GALNT15: variants seen among roughly 807,000 people sequenced by gnomAD.
GALNT15 encodes the protein polypeptide N-acetylgalactosaminyltransferase 15.
In GALNT15, 67 loss-of-function variants were observed where a neutral mutation model predicts 66.8. The ratio of observed to expected loss-of-function variants is 1.00; its 90% CI spans 0.82 to 1.23. The LOEUF is 1.23. GALNT15 is among the 50% of genes most tolerant of loss of function. The pLI is 0.00. For missense variants in GALNT15, 827 were observed against 804.3 expected (o/e 1.03, Z -0.34); for synonymous variants, 313 against 311.5 (o/e 1.00, Z -0.05).
the GALNT15 span, among the ~76,000 whole-genome samples, chr3:16,245,681 G>C: frequency 1.3e-5 from 2 of 152,328 alleles, no homozygotes; most frequent in East Asian, 1.9e-4. Context: ...TTGAAGGAAG[G>C]GTTCCCCAAT....
rs747982061 is a variant in GALNT15, at chr3:16,212,772, A to G, written c.1392+9A>G. 7 of 1,609,628 alleles carry G rather than the reference A, an allele frequency of 4.3e-6. No homozygotes were observed. In the East Asian group the frequency reaches 1.6e-4, roughly 36 times the overall value. On this transcript the variant is annotated intron_variant, in intron 6 of 9. Transcript: ENST00000339732. ...CCTTCTCCTTGAGCAAGGTAAGGAG[A>G]GAGCCAAGTGGGGCTTCTGTGTCCA...
rs1052083063 is a variant in GALNT15, at chr3:16,227,110, G to C, written c.1774-244G>C. On this transcript the variant is annotated intron_variant, in intron 9 of 9. Transcript: ENST00000339732. The surrounding 1 kb of genome is among the most constrained non-coding windows in gnomAD (Gnocchi z 4.5). ...TACTAACCATAACTTTCTAAGAAAT[G>C]GTGCAATTACACAACTACAATAAAG... 2.0e-5 allele frequency among the ~76,000 whole-genome samples: 3 copies of C among 152,150 alleles called. No homozygotes were observed. The highest frequency in any genetic ancestry group is 2.9e-5 in the Non-Finnish European group (2 of 68,020).
the GALNT15 span, among the ~76,000 whole-genome samples, chr3:16,244,418 A>G: frequency 1.3e-5 from 2 of 152,236 alleles, no homozygotes; most frequent in Non-Finnish European, 2.9e-5. Flanking sequence ...GCAGCCACAC[A>G]GGAGAGCTTT....
chr3:16,227,527 T>C lies in GALNT15; in HGVS notation c.*27T>C. 6.2e-7 allele frequency: 1 copy of C among 1,614,030 alleles called. No individual in the cohort carries two copies. The highest frequency in any genetic ancestry group is 8.5e-7 in the Non-Finnish European group (1 of 1,179,938). On this transcript the variant is annotated 3_prime_UTR_variant, in exon 10 of 10. Transcript: ENST00000339732. This position sits in a 1 kb window ranked among gnomAD's most constrained non-coding sequence, Gnocchi z 4.5. ...TGTCAATGTCAGAAGGAAAAGAGAA[T>C]TTTGGCCATCAAAATCCAGCTCCAA...
rs2124897532 is a variant in GALNT15 at position 16,219,057 on chromosome 3, C to G, written c.1393-346C>G. Among the ~76,000 whole-genome samples the G allele has an allele frequency of 2.6e-5, 4 of 152,240 alleles. No homozygotes were observed. The South Asian group carries it at 8.3e-4, about 32-fold the overall frequency. The stretch of plus-strand genomic sequence containing the variant: ...TCTTGAACTCCTGACCTCAAGTGAT[C>G]CACCAGCCTCGGCCTCCCAAAGTGC... On this transcript the variant is annotated intron_variant, in intron 6 of 9. Transcript: ENST00000339732. This position sits in a 1 kb window ranked among gnomAD's most constrained non-coding sequence, Gnocchi z 4.3.
At position 16,204,819 on chromosome 3, in the gene GALNT15, C is replaced by A. The variant is rs965364452; in HGVS notation, c.912-3684C>A. 1.2e-4 allele frequency among the ~76,000 whole-genome samples: 18 copies of A among 147,768 alleles called. No individual in the cohort carries two copies. Among genetic ancestry groups the A allele is most frequent in the Middle Eastern group, 3.4e-3 (1 of 294 alleles). ...GCAATGTGGGGCAGGGAGAAGAACA[C>A]CTCCCACTCTGCCCTTTGAAGGGTT... On this transcript the variant is annotated intron_variant, in intron 3 of 9. Transcript: ENST00000339732. The surrounding 1 kb of genome is among the most constrained non-coding windows in gnomAD (Gnocchi z 4.5).
In GALNT15 at chr3:16,187,093, G is replaced by A. The variant is rs758404277; in HGVS notation, c.540-8667G>A. Among the ~76,000 whole-genome samples, 6 of 151,940 alleles carry A rather than the reference G, an allele frequency of 3.9e-5. No individual in the cohort carries two copies. Among genetic ancestry groups the A allele is most frequent in the Non-Finnish European group, 5.9e-5 (4 of 68,006 alleles). Reference sequence around the variant, plus strand: ...AGCCTGACCAACATGGTGAAACCCCGTCTCTACAAAAAATACAAAAATTAG... The same window carrying A: ...AGCCTGACCAACATGGTGAAACCCCATCTCTACAAAAAATACAAAAATTAG... On this transcript the variant is annotated intron_variant, in intron 1 of 9. Transcript: ENST00000339732. This position sits in a 1 kb window ranked among gnomAD's most constrained non-coding sequence, Gnocchi z 5.1.
intron 2 of GALNT15, among the ~76,000 whole-genome samples, chr3:16,196,847 G>A (rs111412085): frequency 0.016 from 2,451 of 152,188 alleles, 67 homozygotes; most frequent in African/African-American, 0.055. Flanking sequence ...AGATCAGAAC[G>A]CTCTGAGGGA....
Position 16,203,541 on chromosome 3 carries a change from TCTCA to T in GALNT15, c.911+2720_911+2723del, listed in dbSNP as rs1289251227. The stretch of plus-strand genomic sequence containing the variant: ...CTCATTCTCTCTCTCTCTCTCTCTC[TCTCA>T]CACACACACACACACACACACACAC... On this transcript the variant is annotated intron_variant, in intron 3 of 9. Coordinates refer to ENST00000339732, the MANE Select transcript of GALNT15 (RefSeq NM_054110.5). The surrounding 1 kb of genome is among the most constrained non-coding windows in gnomAD (Gnocchi z 6.2). Among the ~76,000 whole-genome samples the T allele has an allele frequency of 6.5e-3, 382 of 58,608 alleles. No individual in the cohort carries two copies. The highest frequency in any genetic ancestry group is 0.022 in the East Asian group (35 of 1,592). 38.4% of individuals were successfully genotyped at this position (58,608 alleles called of 152,430 possible).
chr3:16,214,399 G>A (rs2063850904), intron 6 of GALNT15, among the ~76,000 whole-genome samples: 1 of 152,242 alleles, frequency 6.6e-6, no homozygotes, highest in East Asian at 1.9e-4. Flanking sequence ...AACACTCAGT[G>A]TTTCTGCTTC....
At position 16,204,200 on chromosome 3, in the gene GALNT15, G is replaced by A. The variant is rs1178191709; in HGVS notation, c.911+3377G>A. 6.6e-6 allele frequency among the ~76,000 whole-genome samples: 1 copy of A among 152,126 alleles called. No homozygotes were observed. The highest frequency in any genetic ancestry group is 1.5e-5 in the Non-Finnish European group (1 of 68,024). ...CTTTGTTCCCTGTCCCTGCCTAGCAGGTTCCCACTAGCCATGTGGCAACTT... is the reference window on the plus strand; with the variant it reads ...CTTTGTTCCCTGTCCCTGCCTAGCAAGTTCCCACTAGCCATGTGGCAACTT... On this transcript the variant is annotated intron_variant, in intron 3 of 9. Transcript: ENST00000339732. The surrounding 1 kb of genome is among the most constrained non-coding windows in gnomAD (Gnocchi z 4.5).
chr3:16,237,885 T>G, the GALNT15 span, among the ~76,000 whole-genome samples: 1 of 152,160 alleles, frequency 6.6e-6, no homozygotes, highest in African/African-American at 2.4e-5. This position sits in a 1 kb window ranked among gnomAD's most constrained non-coding sequence, Gnocchi z 4.2. Context: ...CGCAATGGCC[T>G]CACCCCTCAG....
rs150487084 is a variant in GALNT15 at position 16,211,201 on chromosome 3, T to C, written c.1157T>C (p.Met386Thr). 3 of 1,613,860 alleles carry C rather than the reference T, an allele frequency of 1.9e-6. No individual in the cohort carries two copies. The highest frequency in any genetic ancestry group is 2.7e-5 in the African/African-American group (2 of 74,926). The part of the protein sequence containing the change: ...FQNTGAYDSL[M>T]SLRGGENLEL... ...AACACTGGAGCGTATGACTCTCTTATGTCGCTGCGAGGTGGTGAAAACCTC... is the reference window on the plus strand; with the variant it reads ...AACACTGGAGCGTATGACTCTCTTACGTCGCTGCGAGGTGGTGAAAACCTC... Residue 386 changes from methionine (M) to threonine (T), a missense_variant, in exon 5 of 10, where the codon ATG becomes ACG. Transcript: ENST00000339732. This position sits in a 1 kb window ranked among gnomAD's most constrained non-coding sequence, Gnocchi z 4.3.
downstream of GALNT15, chr3:16,231,773 CCT>C: frequency 6.6e-7 from 1 of 1,519,274 alleles, no homozygotes; most frequent in South Asian, 1.2e-5. The surrounding 1 kb of genome is among the most constrained non-coding windows in gnomAD (Gnocchi z 4.1). Flanking sequence ...TCTCTCCCTC[CCT>C]CTCTCCTTCT....
At chr3:16,207,288 A>C (rs954956177) in intron 3 of GALNT15, among the ~76,000 whole-genome samples, 2 of 152,110 alleles carry the variant, frequency 1.3e-5, no homozygotes, top group Non-Finnish European at 2.9e-5. Context: ...TTAGAGTGAT[A>C]TCTTCTAGCC....
Position 16,211,054 on chromosome 3 carries a change from C to T in GALNT15, c.1080-70C>T. On this transcript the variant is annotated intron_variant, in intron 4 of 9. Coordinates refer to ENST00000339732, the MANE Select transcript of GALNT15 (RefSeq NM_054110.5). The surrounding 1 kb of genome is among the most constrained non-coding windows in gnomAD (Gnocchi z 4.3). Reference sequence around the variant, plus strand: ...CACTGGAGCTCCCACCTGGGAAGCCCCAGCCCCCAGCCTCGCCTGCTGTGC... The same window carrying T: ...CACTGGAGCTCCCACCTGGGAAGCCTCAGCCCCCAGCCTCGCCTGCTGTGC... The T allele has an allele frequency of 1.7e-6, 2 of 1,183,356 alleles. No individual in the cohort carries two copies. Among genetic ancestry groups the T allele is most frequent in the South Asian group, 2.5e-5 (2 of 80,506 alleles). 73.3% of individuals were successfully genotyped at this position (1,183,356 alleles called of 1,614,324 possible).
In GALNT15 at chr3:16,174,992, T is replaced by G; in HGVS notation, c.-160T>G. On this transcript the variant is annotated 5_prime_UTR_variant, in exon 1 of 10. Transcript: ENST00000339732. This position sits in a 1 kb window ranked among gnomAD's most constrained non-coding sequence, Gnocchi z 4.7. Reference sequence around the variant, plus strand: ...TCTGATTGTAAGTGGAAGCAGGTCTTGCACACGCTGTTGGCAAATGTCAGG... The same window carrying G: ...TCTGATTGTAAGTGGAAGCAGGTCTGGCACACGCTGTTGGCAAATGTCAGG... The G allele has an allele frequency of 3.2e-6, 2 of 634,698 alleles. No individual in the cohort carries two copies. Among genetic ancestry groups the G allele is most frequent in the Non-Finnish European group, 5.4e-6 (2 of 368,880 alleles). 39.3% of individuals were successfully genotyped at this position (634,698 alleles called of 1,614,324 possible).
In GALNT15 at chr3:16,209,466, A is replaced by T. The variant is rs907890551; in HGVS notation, c.1079+796A>T. On this transcript the variant is annotated intron_variant, in intron 4 of 9. Transcript: ENST00000339732. The surrounding 1 kb of genome is among the most constrained non-coding windows in gnomAD (Gnocchi z 4.1). ...TATTTTAAATACAAGGCCACAGTTCATTATTCACAATTGCAAAATCCAAAA... is the reference window on the plus strand; with the variant it reads ...TATTTTAAATACAAGGCCACAGTTCTTTATTCACAATTGCAAAATCCAAAA... Among the ~76,000 whole-genome samples the T allele has an allele frequency of 2.0e-5, 3 of 152,218 alleles. No homozygotes were observed. The highest frequency in any genetic ancestry group is 4.4e-5 in the Non-Finnish European group (3 of 68,036).
the GALNT15 span, among the ~76,000 whole-genome samples, chr3:16,240,741 T>C: frequency 3.9e-5 from 6 of 152,180 alleles, no homozygotes; most frequent in Non-Finnish European, 8.8e-5. Flanking sequence ...ACCTTCAATC[T>C]ACACTAGAGC....
Sources: allele counts gnomAD v4.1 joint callset (sites outside exome capture counted in the v4.1 genomes callset), GRCh38; gene constraint gnomAD v4.1.1; non-coding constraint Gnocchi (gnomAD v3.1); transcripts MANE v1.5; gene names NCBI Gene and HGNC (gene_info 2026-07-23, HGNC 2026-07-21).